Variants in PPP6R2 observed in about 807,000 individuals in gnomAD.
PPP6R2 encodes protein phosphatase 6 regulatory subunit 2.
PPP6R2 carries 62 observed loss-of-function variants against 100.2 expected under a neutral mutation model. That is an observed-to-expected ratio of 0.62 (90% CI 0.50 to 0.76). The LOEUF is 0.76. Among genes scored for constraint, PPP6R2 ranks in the 30% least tolerant of loss-of-function variants. The pLI, the probability that PPP6R2 is intolerant of heterozygous loss-of-function variation, is 0.00. For synonymous variants in PPP6R2, 525 were observed against 514.7 expected, an observed-to-expected ratio of 1.02 and a Z score of -0.27; for missense variants, 1,142 against 1,276.3, an observed-to-expected ratio of 0.89 and a Z score of 1.60.
chr22:50,406,857 T>C lies in PPP6R2; in HGVS notation c.396T>C (p.Ile132=). The stretch of plus-strand genomic sequence containing the variant: ...TCAGCAAGACCATTGGCAATCTCAT[T>C]GCAAGAAAAACCGAACAGGTAAATC... ...SFFSKTIGNL[I]ARKTEQVITF... Residue 132 remains isoleucine, a synonymous_variant, in exon 4 of 24, where the codon ATT becomes ATC. Transcript: ENST00000612753. 6.2e-7 allele frequency: 1 copy of C among 1,614,056 alleles called. No individual in the cohort carries two copies. The highest frequency in any genetic ancestry group is 8.5e-7 in the Non-Finnish European group (1 of 1,179,924).
At chr22:50,339,511 GGT>G (rs779679869), upstream of PPP6R2, among the ~76,000 whole-genome samples, 5 of 129,174 alleles carry the variant, frequency 3.9e-5, no homozygotes, top group African/African-American at 8.8e-5. Flanking sequence ...TTGTGTGTGT[GGT>G]GTGTGTGGTA....
chr22:50,339,591 T>G (rs1379827345), upstream of PPP6R2, among the ~76,000 whole-genome samples: 5 of 101,024 alleles, frequency 4.9e-5, no homozygotes, highest in East Asian at 3.1e-4. Context: ...GTGGTGTGTG[T>G]GGTATGGTGT....
Position 50,438,061 on chromosome 22 carries a change from C to T in PPP6R2, c.1840-113C>T, listed in dbSNP as rs1225553560. 3.3e-6 allele frequency: 5 copies of T among 1,510,674 alleles called. No homozygotes were observed. In the East Asian group the frequency reaches 9.1e-5, roughly 27 times the overall value. The allele number at this position is 1,510,674 out of a possible 1,614,324, so 93.6% of individuals were successfully genotyped here. On this transcript the variant is annotated intron_variant, in intron 17 of 23. Coordinates refer to ENST00000612753, the MANE Select transcript of PPP6R2 (RefSeq NM_001242898.2). ...TCCTTGCCCCTCCCCGTCCTCCCCT[C>T]CAGCCCGGGGCTCCCACATCCCGAA...
intron 2 of PPP6R2, among the ~76,000 whole-genome samples, chr22:50,390,384 C>T (rs1166351974): frequency 6.6e-6 from 1 of 152,140 alleles, no homozygotes; most frequent in East Asian, 1.9e-4. Context: ...ACATGAATCA[C>T]AAGAATGGTG....
intron 22 of PPP6R2, among the ~76,000 whole-genome samples, chr22:50,441,360 C>G (rs2065572820): frequency 1.3e-5 from 2 of 152,176 alleles, no homozygotes; most frequent in Non-Finnish European, 2.9e-5. Flanking sequence ...ACCCCAGATC[C>G]CAGTTGGAGA....
chr22:50,341,590 G>A (rs2042391621), upstream of PPP6R2, among the ~76,000 whole-genome samples: 1 of 152,196 alleles, frequency 6.6e-6, no homozygotes, highest in Non-Finnish European at 1.5e-5. Flanking sequence ...GATAGAAGCA[G>A]GGGGCCCCTG....
intron 2 of PPP6R2, among the ~76,000 whole-genome samples, chr22:50,387,668 G>A (rs1288207945): frequency 6.6e-6 from 1 of 152,170 alleles, no homozygotes; most frequent in African/African-American, 2.4e-5. Flanking sequence ...GATTTCCATG[G>A]CGTTAATACT....
At chr22:50,370,656 C>T (rs551742412) in intron 1 of PPP6R2, among the ~76,000 whole-genome samples, 5 of 148,214 alleles carry the variant, frequency 3.4e-5, no homozygotes, top group East Asian at 4.1e-4. Flanking sequence ...TTTTTTGAGA[C>T]GGAGTCTCAC....
At chr22:50,441,124 C>A in intron 22 of PPP6R2, 98 bp downstream of exon 22, 1 of 1,095,886 alleles carries the variant, frequency 9.1e-7, no homozygotes, top group African/African-American at 1.6e-5. Context: ...GAGGTGAGGC[C>A]AGGCCAGGGT....
intron 3 of PPP6R2, among the ~76,000 whole-genome samples, chr22:50,402,633 C>T (rs923668105): frequency 5.3e-5 from 8 of 152,136 alleles, no homozygotes; most frequent in African/African-American, 1.9e-4. Flanking sequence ...CAGGCTGGTT[C>T]GTCGTTTCTG....
At chr22:50,399,447 T>C (rs1430318294) in intron 3 of PPP6R2, among the ~76,000 whole-genome samples, 1 of 152,250 alleles carries the variant, frequency 6.6e-6, no homozygotes. Flanking sequence ...GACTCTGCTA[T>C]CCTTGCCTAG....
In PPP6R2 at chr22:50,373,578, G is replaced by T. The variant is rs111769766; in HGVS notation, c.-17+1428G>T. On this transcript the variant is annotated intron_variant, in intron 2 of 23. Transcript: ENST00000612753. ...ATTCTTTATTTTTTTTCAAGACAAGGTCTCACTTTGTCACCCAGGCTGGAG... is the reference window on the plus strand; with the variant it reads ...ATTCTTTATTTTTTTTCAAGACAAGTTCTCACTTTGTCACCCAGGCTGGAG... 9.4e-3 allele frequency among the ~76,000 whole-genome samples: 1,428 copies of T among 151,486 alleles called. 20 individuals carry two copies. Among genetic ancestry groups the T allele is most frequent in the African/African-American group, 0.033 (1,344 of 41,280 alleles).
intron 4 of PPP6R2, among the ~76,000 whole-genome samples, chr22:50,409,560 C>T (rs1189836020): frequency 6.6e-6 from 1 of 151,922 alleles, no homozygotes; most frequent in Non-Finnish European, 1.5e-5. Flanking sequence ...CCCCAGTAGC[C>T]GGGTCTGCAG....
chr22:50,426,001 G>T (rs2062068806), intron 10 of PPP6R2, among the ~76,000 whole-genome samples: 1 of 151,710 alleles, frequency 6.6e-6, no homozygotes, highest in South Asian at 2.1e-4. Context: ...TAGATGTAGG[G>T]TCTTGCAGTA....
At position 50,437,597 on chromosome 22, in the gene PPP6R2, A is replaced by T; in HGVS notation, c.1775A>T (p.Asn592Ile). The change falls in exon 16 of 24, where the codon AAC becomes ATC. Residue 592 changes from asparagine to isoleucine, a missense_variant. Asn to Ile is a moderately radical substitution (Grantham distance 149). This residue lies in a region of PPP6R2 where 550 missense variants were observed against 517.4 expected (regional missense o/e 1.06). Transcript: ENST00000612753. ...NDEEFADQDD[N>I]INAPFDRIAE... ...GAGGAGTTTGCCGACCAGGACGACA[A>T]CATCAAGTGAGTCTACTTGGAGCGC... 2 of 1,606,940 alleles carry T rather than the reference A, an allele frequency of 1.2e-6. No individual in the cohort carries two copies. The highest frequency in any genetic ancestry group is 1.7e-6 in the Non-Finnish European group (2 of 1,173,526).
rs879066998 is a variant in PPP6R2, at chr22:50,445,039, CAG to C, written c.*793_*794del. Reference sequence around the variant, plus strand: ...CATTTTTAATGTTCTGATCACCTGACAGGGCACCCCAAACCCCCAACTCCCAA... The same window carrying C: ...CATTTTTAATGTTCTGATCACCTGACGGCACCCCAAACCCCCAACTCCCAA... On this transcript the variant is annotated 3_prime_UTR_variant, in exon 24 of 24. Transcript: ENST00000612753. The C allele has an allele frequency of 6.5e-5, 10 of 152,858 alleles. No homozygotes were observed. The highest frequency in any genetic ancestry group is 5.9e-4 in the Admixed American group (9 of 15,300). 9.5% of individuals were successfully genotyped at this position (152,858 alleles called of 1,614,324 possible).
intron 1 of PPP6R2, among the ~76,000 whole-genome samples, chr22:50,363,635 A>T (rs984227246): frequency 3.3e-5 from 5 of 152,238 alleles, no homozygotes; most frequent in Non-Finnish European, 5.9e-5. Context: ...CGCTGTCCGC[A>T]GCTGCTGCTC....
chr22:50,389,560 T>G (rs1408871109), intron 2 of PPP6R2, among the ~76,000 whole-genome samples: 2 of 151,538 alleles, frequency 1.3e-5, no homozygotes, highest in East Asian at 1.9e-4. Context: ...TTTTTTGTTT[T>G]TTTTTTTTTT....
At chr22:50,374,618 A>G (rs2051024327) in intron 2 of PPP6R2, among the ~76,000 whole-genome samples, 2 of 152,184 alleles carry the variant, frequency 1.3e-5, no homozygotes, top group East Asian at 3.8e-4. Flanking sequence ...CAATATTTTT[A>G]GAAAAAAACA....
Sources: gnomAD v4.1 joint callset for allele counts (sites outside exome capture counted in the v4.1 genomes callset) on GRCh38, gnomAD v4.1.1 for gene constraint, gnomAD v4.1.1 regional missense constraint, MANE v1.5 for transcripts, NCBI Gene and HGNC (gene_info 2026-07-23, HGNC 2026-07-21) for gene names.